TEP1: variants seen among roughly 807,000 people sequenced by gnomAD.
TEP1 encodes telomerase associated protein 1.
Under a neutral mutation model 306.3 loss-of-function variants are expected in TEP1, and 241 were observed. The observed-to-expected ratio is 0.79, with a 90% CI of 0.71 to 0.88. TEP1 has a LOEUF of 0.88. Ranked by LOEUF, TEP1 falls within the 40% of genes least tolerant of loss-of-function variation. The pLI is 0.00. For missense variants in TEP1, 3,051 were observed against 3,276.1 expected, an observed-to-expected ratio of 0.93 and a Z score of 1.68; for synonymous variants, 1,289 against 1,305.5, an observed-to-expected ratio of 0.99 and a Z score of 0.27.
At position 20,366,134 on chromosome 14, in the gene TEP1, CCTT is replaced by C. The variant is rs1230245722; in HGVS notation, c.*2300_*2302del. The C allele has an allele frequency of 6.6e-6, 1 of 152,226 alleles. No homozygotes were observed. The highest frequency in any genetic ancestry group is 1.5e-5 in the Non-Finnish European group (1 of 68,056). The allele number at this position is 152,226 out of a possible 1,614,324, so 9.4% of individuals were successfully genotyped here. On this transcript the variant is annotated 3_prime_UTR_variant, in exon 55 of 55. Coordinates refer to ENST00000262715, the MANE Select transcript of TEP1 (RefSeq NM_007110.5). ...AACAATTATACCATGACCTCACTGT[CCTT>C]CTCCAAGATGAAACAAAAAACCCTT...
At chr14:20,373,466 C>T in intron 46 of TEP1, 41 bp downstream of exon 46, 2 of 1,614,024 alleles carry the variant, frequency 1.2e-6, no homozygotes, top group South Asian at 2.2e-5. Flanking sequence ...TTCCGCATAC[C>T]TTCCCCACCT....
intron 1 of TEP1, among the ~76,000 whole-genome samples, chr14:20,411,050 G>C (rs1185570761): frequency 6.6e-6 from 1 of 151,758 alleles, no homozygotes; most frequent in African/African-American, 2.4e-5. Flanking sequence ...TCAATCTCCC[G>C]ACCTCATGAT....
Position 20,382,047 on chromosome 14 carries a change from C to A in TEP1, c.4290G>T (p.Gln1430His), listed in dbSNP as rs1336078894. 6.2e-7 allele frequency: 1 copy of A among 1,614,154 alleles called. No homozygotes were observed. The highest frequency in any genetic ancestry group is 1.7e-5 in the Admixed American group (1 of 60,016). Reference protein sequence around the residue: ...EVTRSGLTVDQLHGVLSVWRT... With the variant: ...EVTRSGLTVDHLHGVLSVWRT... Reference sequence around the variant, plus strand: ...GCCACACACTCAGCACTCCGTGCAGCTGGTCCACAGTCAAACCTGAAAACT... The same window carrying A: ...GCCACACACTCAGCACTCCGTGCAGATGGTCCACAGTCAAACCTGAAAACT... Residue 1430 changes from glutamine (Q) to histidine (H), a missense_variant, in exon 30 of 55, where the codon CAG becomes CAT. Physicochemically the swap from Gln to His is conservative, Grantham distance 24. This residue lies in a region of TEP1 where 1,540 missense variants were observed against 1,705.9 expected (regional missense o/e 0.90). Transcript: ENST00000262715.
intron 9 of TEP1, among the ~76,000 whole-genome samples, chr14:20,400,507 A>G (rs1360513373): frequency 1.0e-5 from 1 of 98,142 alleles, no homozygotes; most frequent in African/African-American, 7.5e-5. Context: ...CAAAAAAAAA[A>G]AAAAAAAAAA....
chr14:20,411,658 T>TA (rs1183318782), intron 1 of TEP1, among the ~76,000 whole-genome samples: 1 of 151,356 alleles, frequency 6.6e-6, no homozygotes, highest in African/African-American at 2.4e-5. Flanking sequence ...GAGAATCTGG[T>TA]AAAAGCTATG....
chr14:20,375,095 AC>A (rs372627177), intron 43 of TEP1, among the ~76,000 whole-genome samples: 38,385 of 124,750 alleles, frequency 0.31, 6,436 homozygotes, highest in African/African-American at 0.5. Context: ...CTGTCTCAAA[AC>A]AAAAAAAAAA....
intron 15 of TEP1, among the ~76,000 whole-genome samples, chr14:20,390,166 T>C (rs963856592): frequency 6.6e-6 from 1 of 152,152 alleles, no homozygotes; most frequent in African/African-American, 2.4e-5. Flanking sequence ...GGAGTTTTAG[T>C]TGCAGTGAGC....
In TEP1 at chr14:20,379,099, TCTC is replaced by T. The variant is rs1486199234; in HGVS notation, c.5131_5133del (p.Glu1711del). ...CCATCACAGCCACTCACCACAGACT[TCTC>T]CTCCTGCGACAGTGGGTGAGGGAGC... is the stretch of plus-strand genomic sequence containing the variant. On this transcript the variant is annotated inframe_deletion, in exon 36 of 55. Transcript: ENST00000262715. The T allele has an allele frequency of 5.0e-6, 8 of 1,613,832 alleles. No homozygotes were observed. Among genetic ancestry groups the T allele is most frequent in the South Asian group, 2.2e-5 (2 of 91,056 alleles).
chr14:20,401,436 G>T, intron 8 of TEP1, 21 bp downstream of exon 8: 1 of 1,612,864 alleles, frequency 6.2e-7, no homozygotes, highest in Non-Finnish European at 8.5e-7. Context: ...TGGAATGCAT[G>T]CTCAGGGTGC....
chr14:20,377,474 C>G lies in TEP1; in HGVS notation c.5894G>C (p.Gly1965Ala). Residue 1965 changes from glycine to alanine, a missense_variant, in exon 41 of 55, where the codon GGT becomes GCT. Physicochemically the swap from Gly to Ala is moderately conservative, Grantham distance 60. Coordinates refer to ENST00000262715, the MANE Select transcript of TEP1 (RefSeq NM_007110.5). ...GGACACTGCCACATCCAGTGCCTGACCCTGAGCCCCCTGGGAACCTAGAGA... is the reference window on the plus strand; with the variant it reads ...GGACACTGCCACATCCAGTGCCTGAGCCTGAGCCCCCTGGGAACCTAGAGA... ...KISSGSQGAQ[G>A]QALDVAVSAL... 1 of 1,613,912 alleles carries G rather than the reference C, an allele frequency of 6.2e-7. No homozygotes were observed.
chr14:20,406,528 C>T lies in TEP1; in HGVS notation c.568-128G>A, dbSNP rs1879190120. Reference sequence around the variant, plus strand: ...CCATTAATAGCACCTCTAATGTTCTCTCCCTTCACACACCAGCACTGATGT... The same window carrying T: ...CCATTAATAGCACCTCTAATGTTCTTTCCCTTCACACACCAGCACTGATGT... On this transcript the variant is annotated intron_variant, in intron 2 of 54. Coordinates refer to ENST00000262715, the MANE Select transcript of TEP1 (RefSeq NM_007110.5). The T allele has an allele frequency of 5.4e-6, 5 of 926,038 alleles. No individual in the cohort carries two copies. The East Asian group carries it at 1.2e-4, about 22-fold the overall frequency. 57.4% of individuals were successfully genotyped at this position (926,038 alleles called of 1,614,324 possible). A position where few individuals can be genotyped will look rare whatever the true frequency, so the allele number is the denominator to read the frequency against.
At position 20,369,700 on chromosome 14, in the gene TEP1, G is replaced by A. The variant is rs768609519; in HGVS notation, c.7397C>T (p.Ser2466Leu). The change falls in exon 52 of 55, where the codon TCG becomes TTG. Residue 2466 changes from serine (S) to leucine (L), a missense_variant. This residue lies in a region of TEP1 where 1,540 missense variants were observed against 1,705.9 expected (regional missense o/e 0.90). Coordinates refer to ENST00000262715, the MANE Select transcript of TEP1 (RefSeq NM_007110.5). Reference sequence around the variant, plus strand: ...AGATTCAGGTTTGGCTTGAGTTATCGATATTAGGGTCCTACTAGGATTCTC... The same window carrying A: ...AGATTCAGGTTTGGCTTGAGTTATCAATATTAGGGTCCTACTAGGATTCTC... ...NLENPSRTLI[S>L]ITQAKPESES... The A allele has an allele frequency of 2.0e-5, 32 of 1,613,886 alleles. No individual in the cohort carries two copies. The East Asian group carries it at 5.1e-4, about 26-fold the overall frequency.
chr14:20,375,802 G>A lies in TEP1; in HGVS notation c.6316C>T (p.His2106Tyr). ...PVLIHSFPAC[H>Y]RDWVTGCAWT... ...GCACAGCCAGTGACCCAGTCACGGT[G>A]ACAGGCAGGGAAGGAGTGGATCAAA... Residue 2106 changes from histidine to tyrosine, a missense_variant, in exon 43 of 55, where the codon CAC becomes TAC. Physicochemically the swap from His to Tyr is moderately conservative, Grantham distance 83. Around this residue, in one of 3 missense-constraint regions of TEP1, gnomAD observed 1,540 missense variants for 1,705.9 expected, o/e 0.90. Coordinates refer to ENST00000262715, the MANE Select transcript of TEP1 (RefSeq NM_007110.5). 2 of 1,613,690 alleles carry A rather than the reference G, an allele frequency of 1.2e-6. No homozygotes were observed. Among genetic ancestry groups the A allele is most frequent in the African/African-American group, 2.7e-5 (2 of 75,008 alleles).
At chr14:20,401,257 C>T (rs927683666) in intron 8 of TEP1, 116 bp from the exon 9 acceptor site, 4 of 1,414,088 alleles carry the variant, frequency 2.8e-6, no homozygotes, top group Non-Finnish European at 3.8e-6. Context: ...CTAAAAATAA[C>T]TCAGAAAAGG....
rs749967736 is a variant in TEP1 at position 20,382,657 on chromosome 14, G to T, written c.4106C>A (p.Thr1369Asn). Residue 1369 changes from threonine (T) to asparagine (N), a missense_variant, in exon 28 of 55, where the codon ACC becomes AAC. Thr to Asn is a moderately conservative substitution (Grantham distance 65). This residue lies in a region of TEP1 where 1,540 missense variants were observed against 1,705.9 expected (regional missense o/e 0.90). Coordinates refer to ENST00000262715, the MANE Select transcript of TEP1 (RefSeq NM_007110.5). The stretch of plus-strand genomic sequence containing the variant: ...CAGCGTGAAGAGCCTCAGGTGATCG[G>T]TGACCAAGCGCAGGTAGAGCGGCCG... ...SGRPLYLRLV[T>N]DHLRLFTLYE... is the part of the protein sequence containing the mutation. The T allele has an allele frequency of 1.9e-6, 3 of 1,614,100 alleles. No individual in the cohort carries two copies.
At position 20,401,518 on chromosome 14, in the gene TEP1, G is replaced by C. The variant is rs779605391; in HGVS notation, c.1330C>G (p.Leu444Val). 7 of 1,614,206 alleles carry C rather than the reference G, an allele frequency of 4.3e-6. No individual in the cohort carries two copies. The South Asian group carries it at 4.4e-5, about 10-fold the overall frequency. Reference sequence around the variant, plus strand: ...TTGTGGATGTGCAGTCGCTGAACCAGCTTCTTCAGGGTGAACCTTGGAGGA... The same window carrying C: ...TTGTGGATGTGCAGTCGCTGAACCACCTTCTTCAGGGTGAACCTTGGAGGA... ...KNPPRFTLKK[L>V]VQRLHIHKPA... The change falls in exon 8 of 55, where the codon CTG becomes GTG. Residue 444 changes from leucine (L) to valine (V), a missense_variant. Leu to Val is a conservative substitution (Grantham distance 32). Coordinates refer to ENST00000262715, the MANE Select transcript of TEP1 (RefSeq NM_007110.5).
In TEP1 at chr14:20,396,840, GCCCAGAACCCAGGAATTAGAGTC is replaced by G. The variant is rs1356460322; in HGVS notation, c.1550-133_1550-111del. On this transcript the variant is annotated intron_variant, in intron 9 of 54. Transcript: ENST00000262715. ...AGGCTGAGACAGAAGGATCACTTGA[GCCCAGAACCCAGGAATTAGAGTC>G]CAGCCTGGGCAACATAGCAAGACTG... 9.0e-6 allele frequency: 6 copies of G among 669,360 alleles called. No homozygotes were observed. In the African/African-American group the frequency reaches 1.1e-4, roughly 12 times the overall value. 41.5% of individuals were successfully genotyped at this position (669,360 alleles called of 1,614,324 possible).
chr14:20,381,227 T>C lies in TEP1; in HGVS notation c.4647+86A>G, dbSNP rs1876493643. ...TTGGGAGGGGTAATGGCGGCGGTGA[T>C]GGTGGAGATGGTAACGGGGAGAGGG... On this transcript the variant is annotated intron_variant, in intron 32 of 54. Transcript: ENST00000262715. This position sits in a 1 kb window ranked among gnomAD's most constrained non-coding sequence, Gnocchi z 4.0. The C allele has an allele frequency of 7.2e-7, 1 of 1,390,946 alleles. No individual in the cohort carries two copies. Among genetic ancestry groups the C allele is most frequent in the South Asian group, 1.2e-5 (1 of 86,518 alleles). 86.2% of individuals were successfully genotyped at this position (1,390,946 alleles called of 1,614,324 possible). A position where few individuals can be genotyped will look rare whatever the true frequency, so the allele number is the denominator to read the frequency against.
At chr14:20,380,164 T>C (rs1885443883) in intron 34 of TEP1, 71 bp downstream of exon 34, 9 of 1,584,416 alleles carry the variant, frequency 5.7e-6, no homozygotes, top group Non-Finnish European at 7.7e-6. Context: ...GTCATCCTTA[T>C]TCCTCAGTTT....
Sources: allele counts gnomAD v4.1 joint callset (sites outside exome capture counted in the v4.1 genomes callset), GRCh38; gene constraint gnomAD v4.1.1; regional missense constraint gnomAD v4.1.1; non-coding constraint Gnocchi (gnomAD v3.1); transcripts MANE v1.5; gene names NCBI Gene and HGNC (gene_info 2026-07-23, HGNC 2026-07-21).